METTL15: variants seen among roughly 807,000 people sequenced by gnomAD.
METTL15 encodes methyltransferase 15, mitochondrial 12S rRNA N4-cytidine.
A neutral mutation model predicts 38.3 loss-of-function variants in METTL15; 34 were observed. The observed-to-expected ratio is 0.89, with a 90% CI of 0.68 to 1.18. The LOEUF (loss-of-function observed/expected upper bound fraction) is 1.18, where lower values mean the gene tolerates loss of function less well. METTL15 is among the 50% of genes most tolerant of loss of function. METTL15 has a pLI of 0.00. For synonymous variants in METTL15, 162 were observed against 170.9 expected (o/e 0.95, Z 0.41); for missense variants, 438 against 498.4 (o/e 0.88, Z 1.15).
chr11:28,177,438 G>A (rs1028497473), intron 3 of METTL15, among the ~76,000 whole-genome samples: 5 of 152,042 alleles, frequency 3.3e-5, no homozygotes, highest in Non-Finnish European at 5.9e-5. Flanking sequence ...TGTTTCATTC[G>A]AGACAAGTGT....
chr11:28,341,037 A>G (rs12807937), intron 3 of METTL15, among the ~76,000 whole-genome samples: 310 of 152,322 alleles, frequency 2.0e-3, no homozygotes, highest in Non-Finnish European at 3.3e-3. Flanking sequence ...GGATGAAGCT[A>G]GAAACCATCA....
intron 6 of METTL15, among the ~76,000 whole-genome samples, chr11:28,475,225 A>G (rs189591196): frequency 6.6e-6 from 1 of 152,374 alleles, no homozygotes; most frequent in Non-Finnish European, 1.5e-5. Context: ...AGTGGAAACC[A>G]TGAAGCTAAG....
intron 3 of METTL15, among the ~76,000 whole-genome samples, chr11:28,195,025 A>T (rs1223791890): frequency 6.6e-6 from 1 of 151,750 alleles, no homozygotes; most frequent in Non-Finnish European, 1.5e-5. Flanking sequence ...TGCAAAAGAC[A>T]TTTTTTTCTT....
chr11:28,258,596 T>G (rs990406431), intron 4 of METTL15, among the ~76,000 whole-genome samples: 1 of 152,180 alleles, frequency 6.6e-6, no homozygotes, highest in African/African-American at 2.4e-5. Flanking sequence ...CAAGACACAG[T>G]CGTTCCTACT....
At chr11:28,496,532 A>G (rs1228438024) in intron 6 of METTL15, among the ~76,000 whole-genome samples, 2 of 152,254 alleles carry the variant, frequency 1.3e-5, no homozygotes, top group Admixed American at 6.5e-5. Context: ...TTGCAAGGAC[A>G]GAGGTTGTGG....
the METTL15 span, among the ~76,000 whole-genome samples, chr11:28,532,061 C>A: frequency 3.0e-3 from 451 of 152,186 alleles, 1 homozygote; most frequent in African/African-American, 0.011. Flanking sequence ...TGTTGCATGT[C>A]TTTCTCTATC....
At chr11:28,234,253 T>C (rs369223852) in intron 4 of METTL15, among the ~76,000 whole-genome samples, 117 of 152,184 alleles carry the variant, frequency 7.7e-4, no homozygotes, top group African/African-American at 2.5e-3. Flanking sequence ...TGAATAGTGC[T>C]GCAATAAACA....
chr11:28,382,997 C>G (rs997450396), intron 5 of METTL15, among the ~76,000 whole-genome samples: 2 of 149,114 alleles, frequency 1.3e-5, no homozygotes, highest in African/African-American at 5.0e-5. Context: ...TTCAGGGGTA[C>G]ATGTGCAAGT....
chr11:28,397,682 G>A (rs889137490), intron 5 of METTL15, among the ~76,000 whole-genome samples: 6 of 152,142 alleles, frequency 3.9e-5, no homozygotes, highest in South Asian at 2.1e-4. Context: ...TCAGTGTGGC[G>A]ATTCCTCAGG....
chr11:28,493,229 C>T (rs1024422947), intron 6 of METTL15, among the ~76,000 whole-genome samples: 1 of 152,022 alleles, frequency 6.6e-6, no homozygotes, highest in Admixed American at 6.6e-5. Context: ...TGGCCCTGGA[C>T]CCCAGGGTTT....
intron 6 of METTL15, among the ~76,000 whole-genome samples, chr11:28,430,730 G>A (rs1258346780): frequency 8.5e-6 from 1 of 117,694 alleles, no homozygotes; most frequent in Non-Finnish European, 1.8e-5. Context: ...GAGGTGGGGG[G>A]GTCAGCCCTC....
At chr11:28,255,211 T>C (rs1418951775) in intron 4 of METTL15, among the ~76,000 whole-genome samples, 4 of 152,190 alleles carry the variant, frequency 2.6e-5, no homozygotes, top group African/African-American at 9.7e-5. Context: ...AGGTATTTAA[T>C]TTTATTTATA....
At chr11:28,361,048 C>T (rs1399241000) in intron 4 of METTL15, among the ~76,000 whole-genome samples, 2 of 151,976 alleles carry the variant, frequency 1.3e-5, no homozygotes, top group Non-Finnish European at 2.9e-5. Flanking sequence ...TTTTCTTAAT[C>T]CAATCTATCA....
chr11:28,155,573 T>C (rs1423428547), intron 3 of METTL15, among the ~76,000 whole-genome samples: 1 of 152,208 alleles, frequency 6.6e-6, no homozygotes, highest in African/African-American at 2.4e-5. Flanking sequence ...TTAACAGAGA[T>C]GAGAGGGAGA....
At chr11:28,430,934 C>A (rs1338846961) in intron 6 of METTL15, among the ~76,000 whole-genome samples, 1 of 112,846 alleles carries the variant, frequency 8.9e-6, no homozygotes, top group African/African-American at 3.2e-5. Context: ...GCCAGCCGCC[C>A]CGTCCGGGAG....
chr11:28,491,903 C>T (rs1319412770), intron 6 of METTL15, among the ~76,000 whole-genome samples: 1 of 152,098 alleles, frequency 6.6e-6, no homozygotes, highest in Non-Finnish European at 1.5e-5. Flanking sequence ...CTCCCTTTCC[C>T]CGATAATCTA....
intron 6 of METTL15, among the ~76,000 whole-genome samples, chr11:28,311,794 C>T (rs960593970): frequency 1.3e-5 from 2 of 152,254 alleles, no homozygotes; most frequent in South Asian, 2.1e-4. Flanking sequence ...TTGAATGAAA[C>T]GTAAGTATGA....
chr11:28,419,475 G>A (rs1485187100), intron 5 of METTL15, among the ~76,000 whole-genome samples: 1 of 152,146 alleles, frequency 6.6e-6, no homozygotes, highest in Non-Finnish European at 1.5e-5. Flanking sequence ...TATGGCTGCA[G>A]TGACCAAAAA....
At chr11:28,286,937 C>G (rs1433184660) in intron 4 of METTL15, among the ~76,000 whole-genome samples, 1 of 151,084 alleles carries the variant, frequency 6.6e-6, no homozygotes, top group Non-Finnish European at 1.5e-5. Flanking sequence ...ACTCTCCGCA[C>G]TATATATACA....
Sources: gnomAD v4.1 joint callset for allele counts (sites outside exome capture counted in the v4.1 genomes callset) on GRCh38, gnomAD v4.1.1 for gene constraint, MANE v1.5 for transcripts, NCBI Gene and HGNC (gene_info 2026-07-23, HGNC 2026-07-21) for gene names.